Variants in NUP210L observed in about 807,000 individuals in gnomAD.
The protein encoded by NUP210L is nuclear pore membrane glycoprotein 210-like.
A neutral mutation model predicts 208.5 loss-of-function variants in NUP210L; 74 were observed. That is an observed-to-expected ratio of 0.35 (90% CI 0.29 to 0.43). The LOEUF is 0.43. Ranked by LOEUF, NUP210L falls within the 20% of genes least tolerant of loss-of-function variation. The pLI is 1.00. For missense variants in NUP210L, 1,843 were observed against 2,289.4 expected, an observed-to-expected ratio of 0.81 and a Z score of 3.98; for synonymous variants, 780 against 816.9, an observed-to-expected ratio of 0.95 and a Z score of 0.77.
intron 2 of NUP210L, among the ~76,000 whole-genome samples, chr1:154,147,652 C>CTGTT (rs920552317): frequency 2.0e-4 from 31 of 151,630 alleles, no homozygotes; most frequent in East Asian, 3.9e-4. Flanking sequence ...TGGCCCAACA[C>CTGTT]TGTTTGTTTG....
At chr1:154,102,920 T>C (rs2148066861) in intron 13 of NUP210L, among the ~76,000 whole-genome samples, 1 of 152,246 alleles carries the variant, frequency 6.6e-6, no homozygotes, top group Admixed American at 6.5e-5. Flanking sequence ...AAAACCTTAC[T>C]GTGAACTAAA....
At chr1:154,131,544 G>A (rs1473232214) in intron 7 of NUP210L, among the ~76,000 whole-genome samples, 1 of 151,640 alleles carries the variant, frequency 6.6e-6, no homozygotes, top group Admixed American at 6.6e-5. Context: ...AATATTAAGA[G>A]AAATGTTCAA....
intron 12 of NUP210L, among the ~76,000 whole-genome samples, chr1:154,112,257 A>T (rs1657079963): frequency 6.6e-6 from 1 of 152,060 alleles, no homozygotes; most frequent in Non-Finnish European, 1.5e-5. Flanking sequence ...AAAATCATTA[A>T]TGGCCAGACA....
intron 2 of NUP210L, among the ~76,000 whole-genome samples, chr1:154,150,085 C>T (rs563549061): frequency 1.2e-4 from 18 of 152,080 alleles, no homozygotes; most frequent in Non-Finnish European, 2.1e-4. Flanking sequence ...AAAAATTTAG[C>T]GGGGCAAGGC....
chr1:154,150,441 C>G (rs888990935), intron 2 of NUP210L, among the ~76,000 whole-genome samples: 3 of 149,130 alleles, frequency 2.0e-5, no homozygotes, highest in Admixed American at 6.7e-5. Flanking sequence ...ATAATAAGCA[C>G]TTAAGGCTGG....
At chr1:154,006,966 A>ATATATATATATATATATATTT (rs1211789619) in intron 35 of NUP210L, among the ~76,000 whole-genome samples, 1 of 115,810 alleles carries the variant, frequency 8.6e-6, no homozygotes, top group African/African-American at 3.3e-5. Context: ...ATATATATAT[A>ATATATATATATATATATATTT]TTTTTTTTTT....
intron 27 of NUP210L, among the ~76,000 whole-genome samples, chr1:154,035,947 C>A (rs1232649813): frequency 6.6e-6 from 1 of 150,538 alleles, no homozygotes; most frequent in East Asian, 2.0e-4. Context: ...CTTGGCCAGG[C>A]TGGTCTTGAA....
chr1:154,088,736 C>T (rs1394195477), intron 16 of NUP210L, among the ~76,000 whole-genome samples: 4 of 152,078 alleles, frequency 2.6e-5, no homozygotes, highest in Non-Finnish European at 5.9e-5. Flanking sequence ...AATTAATCGA[C>T]TTTTAGGAGG....
intron 35 of NUP210L, among the ~76,000 whole-genome samples, chr1:154,005,804 A>G (rs1029207020): frequency 5.3e-5 from 8 of 151,404 alleles, no homozygotes; most frequent in African/African-American, 4.9e-5. Context: ...GCTCACTGCA[A>G]TCTCCGCCTC....
chr1:153,995,063 A>AT lies in NUP210L; in HGVS notation c.5491+12dup, dbSNP rs961226627. The AT allele has an allele frequency of 3.9e-6, 6 of 1,527,926 alleles. 1 individual carries two copies. In the African/African-American group the frequency reaches 8.3e-5, roughly 21 times the overall value. 94.6% of individuals were successfully genotyped at this position (1,527,926 alleles called of 1,614,324 possible). On this transcript the variant is annotated intron_variant, in intron 38 of 39. Coordinates refer to ENST00000368559, the Ensembl canonical transcript of NUP210L. ...CATGTCAAAGTCTATGTTATTGAATATAAGGACTCTACCTAGGAAGATGGA... is the reference window on the plus strand; with the variant it reads ...CATGTCAAAGTCTATGTTATTGAATATTAAGGACTCTACCTAGGAAGATGGA...
chr1:154,058,242 T>C (rs1335227030), intron 21 of NUP210L, 26 bp from the exon 22 acceptor site: 1 of 1,611,970 alleles, frequency 6.2e-7, no homozygotes, highest in Non-Finnish European at 8.5e-7. Flanking sequence ...AAAAAGATTT[T>C]AGCAAAGGTG....
chr1:154,088,199 A>C (rs1052222045), intron 16 of NUP210L, among the ~76,000 whole-genome samples: 1 of 152,108 alleles, frequency 6.6e-6, no homozygotes, highest in Non-Finnish European at 1.5e-5. Flanking sequence ...ATTAGCCAGC[A>C]TGGTGGCACA....
At chr1:154,008,130 C>G (rs901718177) in intron 35 of NUP210L, among the ~76,000 whole-genome samples, 1 of 152,042 alleles carries the variant, frequency 6.6e-6, no homozygotes, top group Admixed American at 6.6e-5. Flanking sequence ...CCATGGCCTC[C>G]CAAAGTGCTG....
intron 13 of NUP210L, among the ~76,000 whole-genome samples, chr1:154,100,962 C>T (rs888975315): frequency 1.3e-5 from 2 of 151,670 alleles, no homozygotes; most frequent in Admixed American, 6.6e-5. Context: ...CACCTGAGCT[C>T]GGGAGTTCGA....
intron 35 of NUP210L, among the ~76,000 whole-genome samples, chr1:154,004,938 C>T (rs1650427591): frequency 6.8e-6 from 1 of 145,994 alleles, no homozygotes; most frequent in South Asian, 2.2e-4. Flanking sequence ...ACTGCAACCT[C>T]CACCTCCTGG....
At chr1:154,066,861 G>A (rs1048558112) in intron 17 of NUP210L, among the ~76,000 whole-genome samples, 1 of 152,060 alleles carries the variant, frequency 6.6e-6, no homozygotes, top group African/African-American at 2.4e-5. Context: ...ATAAATTTCT[G>A]GACACATACA....
At chr1:154,113,928 A>C (rs1657180845) in intron 12 of NUP210L, among the ~76,000 whole-genome samples, 1 of 147,182 alleles carries the variant, frequency 6.8e-6, no homozygotes. Flanking sequence ...TGGGAGGCCG[A>C]GTTCAGAAGT....
At chr1:154,001,487 C>T (rs988600787) in intron 36 of NUP210L, among the ~76,000 whole-genome samples, 6 of 152,094 alleles carry the variant, frequency 3.9e-5, no homozygotes, top group Non-Finnish European at 5.9e-5. Flanking sequence ...TGAGCCACCG[C>T]GCTCGGCCAA....
At chr1:153,992,713 T>G in exon 40 of NUP210L, 1 of 702,418 alleles carries the variant, frequency 1.4e-6, no homozygotes, top group Non-Finnish European at 2.5e-6. Context: ...CTTAGGATGC[T>G]TTATTTATAG....
Sources: allele counts gnomAD v4.1 joint callset (sites outside exome capture counted in the v4.1 genomes callset), GRCh38; gene constraint gnomAD v4.1.1; transcripts MANE v1.5; gene names NCBI Gene and HGNC (gene_info 2026-07-23, HGNC 2026-07-21).